Variants in SLC2A14 observed in about 807,000 individuals in gnomAD.
SLC2A14 encodes the protein solute carrier family 2, facilitated glucose transporter member 14.
Under a neutral mutation model 43.0 loss-of-function variants are expected in SLC2A14, and 13 were observed. That is an observed-to-expected ratio of 0.30 (90% CI 0.20 to 0.48). The LOEUF (loss-of-function observed/expected upper bound fraction) is 0.48. Ranked by LOEUF, SLC2A14 falls within the 20% of genes least tolerant of loss-of-function variation. The pLI, the probability that SLC2A14 is intolerant of heterozygous loss-of-function variation, is 0.99. For synonymous variants in SLC2A14, 190 were observed against 233.8 expected (o/e 0.81, Z 1.71); for missense variants, 428 against 620.4 (o/e 0.69, Z 3.29).
chr12:7,871,028 T>C, intron 1 of SLC2A14: 1 of 1,432,172 alleles, frequency 7.0e-7, no homozygotes, highest in Non-Finnish European at 9.4e-7. Context: ...CACGACAAGC[T>C]GGCTTCACCG....
At chr12:7,823,407 A>C (rs1864092382) in intron 7 of SLC2A14, among the ~76,000 whole-genome samples, 1 of 150,984 alleles carries the variant, frequency 6.6e-6, no homozygotes. Context: ...AAAAAAAAGT[A>C]AGGTTGCTAC....
At chr12:7,837,474 T>C (rs1381552538) in intron 2 of SLC2A14, among the ~76,000 whole-genome samples, 3 of 151,786 alleles carry the variant, frequency 2.0e-5, no homozygotes, top group Non-Finnish European at 4.4e-5. Flanking sequence ...ACAACATCTC[T>C]ACTAAAAATA....
At chr12:7,879,404 A>G (rs7308732) in intron 1 of SLC2A14, among the ~76,000 whole-genome samples, 135,379 of 151,464 alleles carry the variant, frequency 0.89, 60,567 homozygotes, top group Middle Eastern at 0.92. Context: ...AAAAGAGGCC[A>G]GGTGCTATGG....
upstream of SLC2A14, among the ~76,000 whole-genome samples, chr12:7,874,329 AG>A (rs1376968293): frequency 6.6e-6 from 1 of 152,138 alleles, no homozygotes; most frequent in Non-Finnish European, 1.5e-5. Flanking sequence ...TTCACCAAAA[AG>A]TAGGTACTAA....
rs142453459 is a variant in SLC2A14, at chr12:7,832,352, T to C, written c.111+370A>G. Among the ~76,000 whole-genome samples the C allele has an allele frequency of 3.1e-3, 479 of 152,234 alleles. 2 individuals carry two copies. Among genetic ancestry groups the C allele is most frequent in the African/African-American group, 0.011 (458 of 41,538 alleles). On this transcript the variant is annotated intron_variant, in intron 3 of 10. Coordinates refer to ENST00000431042, the MANE Select transcript of SLC2A14 (RefSeq NM_001286234.2). ...AACCCCTAAGGGATAATACAGGAAGTGTATTACTATAGGGTGAAAGAGTGG... is the reference window on the plus strand; with the variant it reads ...AACCCCTAAGGGATAATACAGGAAGCGTATTACTATAGGGTGAAAGAGTGG...
intron 5 of SLC2A14, among the ~76,000 whole-genome samples, chr12:7,829,283 G>A (rs930815756): frequency 2.0e-5 from 3 of 151,952 alleles, no homozygotes; most frequent in South Asian, 2.1e-4. Flanking sequence ...AAAAATTGCC[G>A]GGCACAGTGG....
intron 1 of SLC2A14, among the ~76,000 whole-genome samples, chr12:7,887,005 A>G (rs6488741): frequency 0.68 from 101,571 of 148,646 alleles, 34,588 homozygotes; most frequent in Admixed American, 0.77. Context: ...TCCGCCTCCC[A>G]GGTTCAAGCA....
chr12:7,887,728 T>C (rs1319470897), intron 1 of SLC2A14, among the ~76,000 whole-genome samples: 1 of 152,182 alleles, frequency 6.6e-6, no homozygotes, highest in Non-Finnish European at 1.5e-5. Context: ...TCTCCAAGTC[T>C]ACCTATTGCC....
At position 7,813,295 on chromosome 12, in the gene SLC2A14, T is replaced by C. The variant is rs770722149; in HGVS notation, c.*1021A>G. ...AGAACCAATTATTTTAGGTTTCTCA[T>C]TTGGATGGCTCTCCCACTAGATAGG... On this transcript the variant is annotated 3_prime_UTR_variant, in exon 11 of 11. Coordinates refer to ENST00000431042, the MANE Select transcript of SLC2A14 (RefSeq NM_001286234.2). 1.3e-5 allele frequency: 2 copies of C among 152,266 alleles called. No homozygotes were observed. Among genetic ancestry groups the C allele is most frequent in the African/African-American group, 4.8e-5 (2 of 41,572 alleles). The allele number at this position is 152,266 out of a possible 1,614,324, so 9.4% of individuals were successfully genotyped here. A position where few individuals can be genotyped will look rare whatever the true frequency, so the allele number is the denominator to read the frequency against.
At chr12:7,848,326 C>G (rs1349348192) in intron 2 of SLC2A14, among the ~76,000 whole-genome samples, 1 of 152,026 alleles carries the variant, frequency 6.6e-6, no homozygotes, top group Non-Finnish European at 1.5e-5. Context: ...GCTCTTATGT[C>G]TTGACTGTTC....
intron 2 of SLC2A14, among the ~76,000 whole-genome samples, chr12:7,855,441 C>T (rs959313223): frequency 8.6e-5 from 13 of 151,504 alleles, no homozygotes; most frequent in African/African-American, 3.2e-4. Context: ...GCGCCCAACT[C>T]TCTGTTTGTT....
chr12:7,824,728 C>CAAAAAA (rs59362614), intron 7 of SLC2A14, among the ~76,000 whole-genome samples: 1 of 113,342 alleles, frequency 8.8e-6, no homozygotes, highest in Non-Finnish European at 1.7e-5. Flanking sequence ...GACTCTGTCT[C>CAAAAAA]AAAAAAAAAA....
At chr12:7,865,805 T>C (rs1007627905) in intron 2 of SLC2A14, among the ~76,000 whole-genome samples, 1 of 152,052 alleles carries the variant, frequency 6.6e-6, no homozygotes, top group Non-Finnish European at 1.5e-5. Context: ...TAAAGGCATG[T>C]CAAAAGCCAA....
intron 2 of SLC2A14, among the ~76,000 whole-genome samples, chr12:7,842,783 C>A (rs1443751282): frequency 1.3e-5 from 2 of 150,590 alleles, no homozygotes; most frequent in Non-Finnish European, 2.9e-5. Flanking sequence ...GGCTGGGGTG[C>A]AATGGTGCGA....
intron 2 of SLC2A14, among the ~76,000 whole-genome samples, chr12:7,842,372 C>A (rs1313327088): frequency 6.6e-6 from 1 of 152,164 alleles, no homozygotes; most frequent in Non-Finnish European, 1.5e-5. Flanking sequence ...ATGATTTCAA[C>A]TCATTTATGT....
At chr12:7,873,033 G>C, upstream of SLC2A14, 2 of 985,632 alleles carry the variant, frequency 2.0e-6, no homozygotes, top group Non-Finnish European at 2.4e-6. Context: ...GGTCAGAGCA[G>C]GGGTCCGGCT....
intron 2 of SLC2A14, among the ~76,000 whole-genome samples, chr12:7,851,345 G>A (rs1374632469): frequency 4.6e-5 from 7 of 152,160 alleles, no homozygotes; most frequent in Middle Eastern, 3.4e-3. Flanking sequence ...TCATCACCCC[G>A]GAAGAAAGGT....
At chr12:7,851,462 T>A (rs944097335) in intron 2 of SLC2A14, among the ~76,000 whole-genome samples, 1 of 152,156 alleles carries the variant, frequency 6.6e-6, no homozygotes. Flanking sequence ...CCCTGGTTCA[T>A]GTTTGGGTCT....
chr12:7,868,634 AACTACTAC>A (rs1358571025), intron 2 of SLC2A14, among the ~76,000 whole-genome samples: 18 of 152,284 alleles, frequency 1.2e-4, no homozygotes, highest in African/African-American at 4.3e-4. Flanking sequence ...AGTCATGAAG[AACTACTAC>A]ATCTTCCCAG....
Sources: gnomAD v4.1 joint callset for allele counts (sites outside exome capture counted in the v4.1 genomes callset) on GRCh38, gnomAD v4.1.1 for gene constraint, MANE v1.5 for transcripts, NCBI Gene and HGNC (gene_info 2026-07-23, HGNC 2026-07-21) for gene names.